IGFL2: variants seen among roughly 807,000 people sequenced by gnomAD.
The protein encoded by IGFL2 is IGF like family member 2.
In IGFL2, 7 loss-of-function variants were observed where a neutral mutation model predicts 13.9. The ratio of observed to expected loss-of-function variants is 0.51; its 90% CI spans 0.29 to 0.95. The LOEUF (loss-of-function observed/expected upper bound fraction) is 0.95. Ranked by LOEUF, IGFL2 falls within the 40% of genes least tolerant of loss-of-function variation. IGFL2 has a pLI of 0.08. For synonymous variants in IGFL2, 55 were observed against 55.8 expected (o/e 0.99, Z 0.07); for missense variants, 138 against 147.8 (o/e 0.93, Z 0.34).
At chr19:46,097,197 G>C in the IGFL2 span, among the ~76,000 whole-genome samples, 2 of 152,320 alleles carry the variant, frequency 1.3e-5, no homozygotes, top group East Asian at 1.9e-4. Context: ...TTCAGAACTT[G>C]TTAGTGGTCT....
At chr19:46,144,467 A>T (rs1025870563), upstream of IGFL2, among the ~76,000 whole-genome samples, 2 of 152,192 alleles carry the variant, frequency 1.3e-5, no homozygotes, top group Non-Finnish European at 2.9e-5. Context: ...ATCGTATCAT[A>T]TCATACCATA....
At chr19:46,152,043 T>C (rs538296180) in intron 1 of IGFL2, among the ~76,000 whole-genome samples, 8 of 152,218 alleles carry the variant, frequency 5.3e-5, no homozygotes, top group Admixed American at 1.3e-4. Context: ...CTTAATTCTT[T>C]TCAACAATGT....
chr19:46,083,159 C>T, the IGFL2 span, among the ~76,000 whole-genome samples: 2 of 152,314 alleles, frequency 1.3e-5, no homozygotes, highest in Middle Eastern at 3.4e-3. Context: ...GCATCATAAA[C>T]AATTTGCTTT....
chr19:46,082,661 G>A, the IGFL2 span, among the ~76,000 whole-genome samples: 2 of 149,618 alleles, frequency 1.3e-5, no homozygotes, highest in South Asian at 4.2e-4. Flanking sequence ...ACTCCACTCT[G>A]TCACGCAGCT....
chr19:46,110,389 T>G, the IGFL2 span, among the ~76,000 whole-genome samples: 18 of 152,224 alleles, frequency 1.2e-4, no homozygotes, highest in Non-Finnish European at 2.4e-4. Context: ...AATCACTCAC[T>G]GCCTTTTTTG....
the IGFL2 span, among the ~76,000 whole-genome samples, chr19:46,089,610 T>C: frequency 6.6e-6 from 1 of 151,938 alleles, no homozygotes; most frequent in Non-Finnish European, 1.5e-5. Context: ...CTCCTTCATT[T>C]CTGAAGAAGA....
Position 46,160,901 on chromosome 19 carries a change from C to A in IGFL2, c.341+20C>A, listed in dbSNP as rs773382280. The A allele has an allele frequency of 1.9e-6, 3 of 1,611,230 alleles. No individual in the cohort carries two copies. The highest frequency in any genetic ancestry group is 2.5e-6 in the Non-Finnish European group (3 of 1,177,710). ...TGAAAGGTAGGGACCCCGTCCCTGG[C>A]CAGGGGGTCGGGGGAAGGGAGGTGG... On this transcript the variant is annotated intron_variant, in intron 3 of 3. Coordinates refer to ENST00000377693, the MANE Select transcript of IGFL2 (RefSeq NM_001135113.2).
At position 46,152,542 on chromosome 19, in the gene IGFL2, C is replaced by G. The variant is rs531432982; in HGVS notation, c.19+4245C>G. On this transcript the variant is annotated intron_variant, in intron 1 of 3. Transcript: ENST00000377693. ...CAAGTGATCCTCCCCACTTGGTCTC[C>G]CAAAATGCTGGGATTACAGGAGTGA... 6.6e-5 allele frequency among the ~76,000 whole-genome samples: 10 copies of G among 152,292 alleles called. No homozygotes were observed. The South Asian group carries it at 1.9e-3, about 28-fold the overall frequency.
chr19:46,079,334 A>G, the IGFL2 span, among the ~76,000 whole-genome samples: 1 of 152,092 alleles, frequency 6.6e-6, no homozygotes, highest in Admixed American at 6.5e-5. Flanking sequence ...AGGTGCGTCA[A>G]GTCGCTGCCG....
At chr19:46,198,133 A>G in the IGFL2 span, 1 of 139,728 alleles carries the variant, frequency 7.2e-6, no homozygotes, top group Non-Finnish European at 1.5e-5. Flanking sequence ...TTTGTTTTTC[A>G]GGGTCTCACT....
chr19:46,205,067 G>T, the IGFL2 span: 1 of 152,118 alleles, frequency 6.6e-6, no homozygotes, highest in African/African-American at 2.4e-5. Flanking sequence ...GATTACAGGC[G>T]TGAGCCACCG....
chr19:46,123,227 C>A, the IGFL2 span, among the ~76,000 whole-genome samples: 3 of 150,706 alleles, frequency 2.0e-5, no homozygotes, highest in East Asian at 5.9e-4. Flanking sequence ...TCAGTTCCTC[C>A]TGAAAAAGGA....
chr19:46,214,628 G>T, the IGFL2 span: 1 of 151,884 alleles, frequency 6.6e-6, no homozygotes, highest in Non-Finnish European at 1.5e-5. Context: ...GAAGCCCAGG[G>T]CCTTCATCCA....
At chr19:46,104,839 C>G in the IGFL2 span, among the ~76,000 whole-genome samples, 1 of 152,102 alleles carries the variant, frequency 6.6e-6, no homozygotes, top group African/African-American at 2.4e-5. Context: ...GGAAGAGGTT[C>G]TGAAAAGATG....
chr19:46,081,758 G>C, the IGFL2 span, among the ~76,000 whole-genome samples: 3 of 152,350 alleles, frequency 2.0e-5, no homozygotes, highest in African/African-American at 7.2e-5. Flanking sequence ...CAGTGCTGCA[G>C]AACTGCTGTC....
chr19:46,113,474 A>G, the IGFL2 span: 6 of 386,652 alleles, frequency 1.6e-5, no homozygotes, highest in African/African-American at 8.6e-5. Flanking sequence ...CAAAGAAGAT[A>G]AGCATTGTGG....
chr19:46,126,998 T>C, the IGFL2 span, among the ~76,000 whole-genome samples: 1 of 152,130 alleles, frequency 6.6e-6, no homozygotes, highest in Admixed American at 6.6e-5. Context: ...TTTATGAGGA[T>C]CAGATGAAGA....
chr19:46,155,294 G>GT (rs1355462395), intron 1 of IGFL2, among the ~76,000 whole-genome samples: 1 of 152,168 alleles, frequency 6.6e-6, no homozygotes, highest in Admixed American at 6.5e-5. Flanking sequence ...AACTGAAACT[G>GT]TAGCCCTAGG....
the IGFL2 span, chr19:46,123,911 A>C: frequency 6.2e-7 from 1 of 1,611,072 alleles, no homozygotes; most frequent in South Asian, 1.1e-5. Flanking sequence ...GAGATGGGAG[A>C]TAAGTGACAC....
Sources: gnomAD v4.1 joint callset for allele counts (sites outside exome capture counted in the v4.1 genomes callset) on GRCh38, gnomAD v4.1.1 for gene constraint, MANE v1.5 for transcripts, NCBI Gene and HGNC (gene_info 2026-07-23, HGNC 2026-07-21) for gene names.